The following SLC8A1 variants were observed in gnomAD, a reference collection of about 807,000 sequenced individuals.
The protein encoded by SLC8A1 is sodium/calcium exchanger 1.
SLC8A1 carries 18 observed loss-of-function variants against 68.3 expected under a neutral mutation model. That is an observed-to-expected ratio of 0.26 (90% confidence interval 0.18 to 0.39). The LOEUF (loss-of-function observed/expected upper bound fraction) is 0.39. Ranked by LOEUF, SLC8A1 falls within the 10% of genes least tolerant of loss-of-function variation. The probability of loss-of-function intolerance (pLI) is 1.00; values close to 1 mark genes in which losing one functional copy is unlikely to be tolerated. For synonymous variants in SLC8A1, 475 were observed against 415.5 expected (o/e 1.14, Z -1.74); for missense variants, 985 against 1,156.7 (o/e 0.85, Z 2.15).
At chr2:40,419,239 C>G (rs967636890) in intron 2 of SLC8A1, among the ~76,000 whole-genome samples, 15 of 152,192 alleles carry the variant, frequency 9.9e-5, no homozygotes, top group Admixed American at 9.8e-4. Flanking sequence ...CCGGCTACTT[C>G]TGGCTTCTCA....
chr2:40,422,257 G>A (rs1207799672), intron 2 of SLC8A1, among the ~76,000 whole-genome samples: 1 of 152,086 alleles, frequency 6.6e-6, no homozygotes, highest in African/African-American at 2.4e-5. Flanking sequence ...ACTAATCGAT[G>A]TTCTACCCCA....
intron 2 of SLC8A1, among the ~76,000 whole-genome samples, chr2:40,361,054 A>G (rs757502729): frequency 2.0e-5 from 3 of 152,168 alleles, no homozygotes; most frequent in Non-Finnish European, 2.9e-5. Flanking sequence ...TCATTTGTCT[A>G]TGGTGACATC....
At chr2:40,483,208 G>A (rs1704752907) in intron 1 of SLC8A1, among the ~76,000 whole-genome samples, 1 of 88,274 alleles carries the variant, frequency 1.1e-5, no homozygotes, top group Non-Finnish European at 2.8e-5. Flanking sequence ...ATTACCCTAT[G>A]TATTTATGTA....
At chr2:40,379,325 T>C (rs1680952573) in intron 2 of SLC8A1, among the ~76,000 whole-genome samples, 1 of 152,154 alleles carries the variant, frequency 6.6e-6, no homozygotes, top group Non-Finnish European at 1.5e-5. Context: ...CGCTAGTTTC[T>C]GTTACAATTA....
intron 1 of SLC8A1, among the ~76,000 whole-genome samples, chr2:40,471,206 T>C (rs1703969415): frequency 6.6e-6 from 1 of 152,196 alleles, no homozygotes; most frequent in East Asian, 1.9e-4. Flanking sequence ...TTGATAACTT[T>C]ATTTTATAGG....
intron 2 of SLC8A1, among the ~76,000 whole-genome samples, chr2:40,390,156 G>C (rs1320063025): frequency 6.6e-6 from 1 of 152,088 alleles, no homozygotes; most frequent in East Asian, 1.9e-4. Flanking sequence ...AGTAAAGTAA[G>C]AGCATTAGTA....
chr2:40,105,634 C>T (rs560609140), exon 8 of SLC8A1: 10 of 152,136 alleles, frequency 6.6e-5, no homozygotes, highest in African/African-American at 1.2e-4. Context: ...AAATTGGTCA[C>T]GGCAACAAGT....
At chr2:40,248,575 A>ACCT (rs2062232322) in intron 2 of SLC8A1, among the ~76,000 whole-genome samples, 1 of 152,192 alleles carries the variant, frequency 6.6e-6, no homozygotes, top group African/African-American at 2.4e-5. Flanking sequence ...GTTATAAGCC[A>ACCT]CCTAGTCTAT....
chr2:40,408,333 AAC>A (rs1429241839), intron 2 of SLC8A1, among the ~76,000 whole-genome samples: 1 of 152,216 alleles, frequency 6.6e-6, no homozygotes, highest in African/African-American at 2.4e-5. Flanking sequence ...TTAACTTATC[AAC>A]AGTTTGATAA....
At chr2:40,387,556 G>T (rs999721846) in intron 2 of SLC8A1, among the ~76,000 whole-genome samples, 5 of 151,196 alleles carry the variant, frequency 3.3e-5, no homozygotes, top group Non-Finnish European at 7.4e-5. Flanking sequence ...CTGAAGAAAG[G>T]GGCATCCTAG....
chr2:40,122,828 A>T lies in SLC8A1; in HGVS notation c.2438-7199T>A, dbSNP rs117282869. 1.1e-3 allele frequency among the ~76,000 whole-genome samples: 170 copies of T among 152,178 alleles called. 4 individuals are homozygous for T. The East Asian group carries it at 0.031, about 28-fold the overall frequency. ...CATTTTTGTTATTGAAAAATTAGCT[A>T]TTTTTCATTTTTGCATGTTAACTTG... On this transcript the variant is annotated intron_variant, in intron 7 of 7. Transcript: ENST00000406785.
At chr2:40,397,593 C>T (rs532505321) in intron 2 of SLC8A1, among the ~76,000 whole-genome samples, 34 of 152,232 alleles carry the variant, frequency 2.2e-4, no homozygotes, top group East Asian at 5.8e-4. Context: ...CGAGCCTGAC[C>T]GTTCCAGATC....
chr2:40,173,992 AAC>A (rs1241166720), intron 4 of SLC8A1, among the ~76,000 whole-genome samples: 2 of 152,182 alleles, frequency 1.3e-5, no homozygotes, highest in African/African-American at 2.4e-5. Context: ...TAATGCAATC[AAC>A]ACAGGCTGAG....
At chr2:40,359,247 T>C (rs1371783587) in intron 2 of SLC8A1, among the ~76,000 whole-genome samples, 4 of 152,146 alleles carry the variant, frequency 2.6e-5, no homozygotes, top group Non-Finnish European at 5.9e-5. Flanking sequence ...CATACATCGA[T>C]TACATACTGA....
At chr2:40,293,933 A>T (rs1461863002) in intron 2 of SLC8A1, among the ~76,000 whole-genome samples, 1 of 152,200 alleles carries the variant, frequency 6.6e-6, no homozygotes, top group Non-Finnish European at 1.5e-5. Flanking sequence ...TTGGGCGCAA[A>T]GATCAAGGTG....
intron 7 of SLC8A1, among the ~76,000 whole-genome samples, chr2:40,117,727 C>T (rs895752088): frequency 8.5e-5 from 13 of 152,140 alleles, no homozygotes; most frequent in African/African-American, 3.1e-4. Flanking sequence ...CTCCTGAGGT[C>T]CTGGGCATGC....
At chr2:40,375,305 T>C (rs1347940583) in intron 2 of SLC8A1, among the ~76,000 whole-genome samples, 1 of 152,066 alleles carries the variant, frequency 6.6e-6, no homozygotes, top group Non-Finnish European at 1.5e-5. Context: ...ACTCAAAATA[T>C]TGGTAATATT....
At chr2:40,355,251 G>A (rs1326967100) in intron 2 of SLC8A1, among the ~76,000 whole-genome samples, 2 of 152,090 alleles carry the variant, frequency 1.3e-5, no homozygotes, top group Non-Finnish European at 2.9e-5. Context: ...ATCTAACAAG[G>A]TGATTCCGAT....
chr2:40,427,085 T>C (rs1341022371), intron 2 of SLC8A1, among the ~76,000 whole-genome samples: 1 of 152,076 alleles, frequency 6.6e-6, no homozygotes, highest in Non-Finnish European at 1.5e-5. Context: ...AAAATAGATA[T>C]TAATCAAAAC....
Sources: allele counts gnomAD v4.1 joint callset (sites outside exome capture counted in the v4.1 genomes callset), GRCh38; gene constraint gnomAD v4.1.1; transcripts MANE v1.5; gene names NCBI Gene and HGNC (gene_info 2026-07-23, HGNC 2026-07-21).